AKAP7: variants seen among roughly 807,000 people sequenced by gnomAD.
AKAP7 encodes A-kinase anchoring protein 7.
AKAP7 carries 39 observed loss-of-function variants against 39.5 expected under a neutral mutation model. The observed-to-expected ratio is 0.99, with a 90% CI of 0.76 to 1.29. The LOEUF is 1.29. Among genes scored for constraint, AKAP7 ranks in the 50% most tolerant of loss-of-function variants. AKAP7 has a pLI of 0.00. For synonymous variants in AKAP7, 140 were observed against 139.1 expected (o/e 1.01, Z -0.05); for missense variants, 414 against 407.7 (o/e 1.02, Z -0.13).
intron 5 of AKAP7, among the ~76,000 whole-genome samples, chr6:131,180,273 G>T (rs1805036954): frequency 6.6e-6 from 1 of 152,168 alleles, no homozygotes. Context: ...TTCTTGGTCT[G>T]CTGGACTCAA....
At chr6:131,142,899 A>G (rs1237715020) in intron 1 of AKAP7, among the ~76,000 whole-genome samples, 1 of 152,254 alleles carries the variant, frequency 6.6e-6, no homozygotes, top group Non-Finnish European at 1.5e-5. Context: ...GATGTGGGAC[A>G]TGGAGTTGAA....
At chr6:131,238,395 A>G (rs1028559365) in intron 7 of AKAP7, among the ~76,000 whole-genome samples, 3 of 152,216 alleles carry the variant, frequency 2.0e-5, no homozygotes, top group African/African-American at 4.8e-5. Context: ...GATTTGGGGT[A>G]GAGAGTTCTG....
intron 7 of AKAP7, among the ~76,000 whole-genome samples, chr6:131,245,046 C>T (rs891454022): frequency 6.6e-6 from 1 of 152,064 alleles, no homozygotes; most frequent in Non-Finnish European, 1.5e-5. Flanking sequence ...AAGACTGATT[C>T]TTTTTGCAGG....
intron 5 of AKAP7, among the ~76,000 whole-genome samples, chr6:131,170,630 C>T (rs1803960074): frequency 6.6e-6 from 1 of 152,190 alleles, no homozygotes; most frequent in Admixed American, 6.5e-5. Flanking sequence ...ATTACATTGC[C>T]TCTTTGCAGT....
At chr6:131,183,843 G>A (rs765422506) in intron 5 of AKAP7, among the ~76,000 whole-genome samples, 4 of 152,130 alleles carry the variant, frequency 2.6e-5, no homozygotes, top group Non-Finnish European at 5.9e-5. Flanking sequence ...TGACACAGGG[G>A]CATGGAAAGC....
intron 7 of AKAP7, chr6:131,250,114 C>T (rs1812317421): frequency 2.1e-6 from 2 of 945,540 alleles, no homozygotes; most frequent in South Asian, 4.9e-5. Context: ...CTTTAAGTAG[C>T]AGACAGAAAA....
intron 5 of AKAP7, among the ~76,000 whole-genome samples, chr6:131,189,846 C>T (rs1245693164): frequency 6.6e-6 from 1 of 151,818 alleles, no homozygotes; most frequent in Non-Finnish European, 1.5e-5. Context: ...TAGGAGGCAC[C>T]CTTACCTGAC....
chr6:131,210,259 G>A (rs1036090465), intron 6 of AKAP7, among the ~76,000 whole-genome samples: 2 of 152,136 alleles, frequency 1.3e-5, no homozygotes, highest in Non-Finnish European at 2.9e-5. Context: ...GAATAATACT[G>A]GTTCTTCAAA....
At chr6:131,199,105 T>G (rs1290916528) in intron 5 of AKAP7, among the ~76,000 whole-genome samples, 1 of 152,166 alleles carries the variant, frequency 6.6e-6, no homozygotes, top group East Asian at 1.9e-4. Context: ...ATATGAAGGG[T>G]TTCAGATAAG....
intron 5 of AKAP7, among the ~76,000 whole-genome samples, chr6:131,188,467 T>G (rs1806085960): frequency 6.6e-6 from 1 of 152,172 alleles, no homozygotes; most frequent in African/African-American, 2.4e-5. Flanking sequence ...TAGTAGAAAG[T>G]ATCTTGCAAT....
intron 5 of AKAP7, among the ~76,000 whole-genome samples, chr6:131,192,630 G>A (rs771364050): frequency 5.3e-5 from 8 of 152,120 alleles, no homozygotes; most frequent in Admixed American, 2.0e-4. Flanking sequence ...AATGTCGTTG[G>A]AATTTTGATA....
intron 5 of AKAP7, among the ~76,000 whole-genome samples, chr6:131,176,873 A>G (rs1804636900): frequency 6.6e-6 from 1 of 152,142 alleles, no homozygotes; most frequent in Non-Finnish European, 1.5e-5. Context: ...GGCTTGGGCT[A>G]CGCTTTCTTC....
At position 131,160,053 on chromosome 6, in the gene AKAP7, CT is replaced by C; in HGVS notation, c.152-5del. On this transcript the variant is annotated splice_region_variant and splice_polypyrimidine_tract_variant and intron_variant, in intron 2 of 7. Transcript: ENST00000431975. Reference sequence around the variant, plus strand: ...TTAGACGTATTGTTTGACTTTTTTCCTCTAGTCACTGATGAACCTCAAATAA... The same window carrying C: ...TTAGACGTATTGTTTGACTTTTTTCCCTAGTCACTGATGAACCTCAAATAA... 6.4e-7 allele frequency: 1 copy of C among 1,568,400 alleles called. No homozygotes were observed. The highest frequency in any genetic ancestry group is 8.6e-7 in the Non-Finnish European group (1 of 1,165,402).
At chr6:131,185,335 G>A (rs1805732274) in intron 5 of AKAP7, 2 of 517,532 alleles carry the variant, frequency 3.9e-6, no homozygotes, top group Non-Finnish European at 7.3e-6. Context: ...TGTAATAATT[G>A]TTCTGGGCTA....
intron 2 of AKAP7, among the ~76,000 whole-genome samples, chr6:131,159,400 A>G (rs1046255431): frequency 2.0e-5 from 3 of 152,212 alleles, no homozygotes; most frequent in Non-Finnish European, 4.4e-5. Flanking sequence ...GCCAAGGATC[A>G]GTTTTTAAAA....
At chr6:131,210,379 G>A (rs1357185389) in intron 6 of AKAP7, among the ~76,000 whole-genome samples, 1 of 152,206 alleles carries the variant, frequency 6.6e-6, no homozygotes, top group Non-Finnish European at 1.5e-5. Context: ...TGTAGTTGAG[G>A]ACCTAACAGA....
intron 5 of AKAP7, among the ~76,000 whole-genome samples, chr6:131,169,600 C>T (rs539940528): frequency 6.6e-6 from 1 of 152,276 alleles, no homozygotes; most frequent in Non-Finnish European, 1.5e-5. Context: ...TCCACCCAGT[C>T]CCCTGGAGGG....
At chr6:131,145,612 C>T (rs1443046397) in intron 2 of AKAP7, among the ~76,000 whole-genome samples, 196 bp downstream of exon 2, 1 of 152,156 alleles carries the variant, frequency 6.6e-6, no homozygotes, top group Non-Finnish European at 1.5e-5. Flanking sequence ...GGTGTGATCA[C>T]AGTTCACTGC....
chr6:131,141,508 C>T (rs987888768), intron 1 of AKAP7, among the ~76,000 whole-genome samples: 5 of 152,010 alleles, frequency 3.3e-5, no homozygotes, highest in Admixed American at 1.3e-4. Context: ...TGCAAATGGA[C>T]TGAGATAGAA....
Sources: allele counts gnomAD v4.1 joint callset (sites outside exome capture counted in the v4.1 genomes callset), GRCh38; gene constraint gnomAD v4.1.1; transcripts MANE v1.5; gene names NCBI Gene and HGNC (gene_info 2026-07-23, HGNC 2026-07-21).